The following TBX4 variants were observed in gnomAD, a reference collection of about 807,000 sequenced individuals.
The protein encoded by TBX4 is T-box transcription factor TBX4.
In TBX4, 13 loss-of-function variants were observed where a neutral mutation model predicts 54.6. That is an observed-to-expected ratio of 0.24 (90% CI 0.15 to 0.38). The LOEUF is 0.38. Among genes scored for constraint, TBX4 ranks in the 10% least tolerant of loss-of-function variants. The pLI is 1.00. For missense variants in TBX4, 631 were observed against 728.5 expected, an observed-to-expected ratio of 0.87 and a Z score of 1.54; for synonymous variants, 314 against 306.7, an observed-to-expected ratio of 1.02 and a Z score of -0.25.
chr17:61,483,364 G>A lies in TBX4; in HGVS notation c.1489G>A (p.Gly497Ser), dbSNP rs140527546. ...CAGCGCCTCATTCCCAAGAGAGCGC[G>A]GCCTCCCCCAAGGGTGTGAGAGGAA... is the stretch of plus-strand genomic sequence containing the variant. The part of the protein sequence containing the change: ...GPSASFPRER[G>S]LPQGCERKPP... Residue 497 changes from glycine (G) to serine (S), a missense_variant, in exon 9 of 9, where the codon GGC becomes AGC. This residue lies in a region of TBX4 where 354 missense variants were observed against 368.9 expected (regional missense o/e 0.96). Coordinates refer to ENST00000644296, the MANE Select transcript of TBX4 (RefSeq NM_001321120.2). The surrounding 1 kb of genome is among the most constrained non-coding windows in gnomAD (Gnocchi z 6.6). The A allele has an allele frequency of 1.3e-4, 211 of 1,608,436 alleles. No homozygotes were observed. The highest frequency in any genetic ancestry group is 1.7e-4 in the Middle Eastern group (1 of 6,054).
At position 61,460,112 on chromosome 17, in the gene TBX4, A is replaced by C. The variant is rs1349925689; in HGVS notation, c.281+2481A>C. On this transcript the variant is annotated intron_variant, in intron 3 of 8. Transcript: ENST00000644296. The surrounding 1 kb of genome is among the most constrained non-coding windows in gnomAD (Gnocchi z 4.4). ...GAGGAGAACCAAGAGAACGTAAACC[A>C]AACCCCAGAGAAGGGAAGTTAGGCA... 5 of 152,494 alleles carry C rather than the reference A, an allele frequency of 3.3e-5. No homozygotes were observed. Among genetic ancestry groups the C allele is most frequent in the African/African-American group, 1.2e-4 (5 of 41,446 alleles). 9.4% of individuals were successfully genotyped at this position (152,494 alleles called of 1,614,324 possible). A position where few individuals can be genotyped will look rare whatever the true frequency, so the allele number is the denominator to read the frequency against.
intron 1 of TBX4, among the ~76,000 whole-genome samples, chr17:61,455,154 GC>G (rs1251299302): frequency 6.6e-6 from 1 of 152,222 alleles, no homozygotes; most frequent in Admixed American, 6.5e-5. Context: ...ACCCAGACTG[GC>G]CCCGGCCCCT....
intron 5 of TBX4, among the ~76,000 whole-genome samples, chr17:61,469,017 C>G (rs1300484313): frequency 1.3e-5 from 2 of 152,226 alleles, no homozygotes; most frequent in African/African-American, 4.8e-5. Flanking sequence ...CACACACACA[C>G]AGACCCCATG....
chr17:61,468,616 T>C (rs2060553175), intron 5 of TBX4, among the ~76,000 whole-genome samples: 1 of 152,244 alleles, frequency 6.6e-6, no homozygotes, highest in African/African-American at 2.4e-5. Context: ...TAACTGGCAT[T>C]GAGCTTCTAG....
Position 61,474,565 on chromosome 17 carries a change from T to A in TBX4, c.550-4062T>A, listed in dbSNP as rs2060605441. ...TTATTGGCCAAGCACGCTATGGCGA[T>A]CTCTTGAGGAGAGGGATGTTTGGCG... is the stretch of plus-strand genomic sequence containing the variant. On this transcript the variant is annotated intron_variant, in intron 5 of 8. Coordinates refer to ENST00000644296, the MANE Select transcript of TBX4 (RefSeq NM_001321120.2). The surrounding 1 kb of genome is among the most constrained non-coding windows in gnomAD (Gnocchi z 4.6). Among the ~76,000 whole-genome samples, 1 of 152,240 alleles carries A rather than the reference T, an allele frequency of 6.6e-6. No homozygotes were observed. The highest frequency in any genetic ancestry group is 2.1e-4 in the South Asian group (1 of 4,836).
intron 5 of TBX4, among the ~76,000 whole-genome samples, chr17:61,477,679 G>T (rs974302539): frequency 2.3e-4 from 35 of 152,298 alleles, no homozygotes; most frequent in Admixed American, 6.5e-4. Context: ...GGAGGCTCAC[G>T]CCTGTAATCC....
In TBX4 at chr17:61,478,793, C is replaced by T. The variant is rs1201263237; in HGVS notation, c.702+14C>T. 1 of 1,614,062 alleles carries T rather than the reference C, an allele frequency of 6.2e-7. No individual in the cohort carries two copies. ...CAGAATCACAAGGTACAGCCACTGC[C>T]CCACTGCCCCACAGCCCCACTTAAC... On this transcript the variant is annotated intron_variant, in intron 6 of 8. Transcript: ENST00000644296. This position sits in a 1 kb window ranked among gnomAD's most constrained non-coding sequence, Gnocchi z 7.4.
In TBX4 at chr17:61,461,089, G is replaced by A. The variant is rs544058797; in HGVS notation, c.281+3458G>A. ...TGGGAAAGTGGGTTGGGGAGAGAGT[G>A]CTTTGATCTCTTTTTAAAGTATTTT... On this transcript the variant is annotated intron_variant, in intron 3 of 8. Transcript: ENST00000644296. This position sits in a 1 kb window ranked among gnomAD's most constrained non-coding sequence, Gnocchi z 5.1. 4.6e-5 allele frequency among the ~76,000 whole-genome samples: 7 copies of A among 152,274 alleles called. No individual in the cohort carries two copies. The highest frequency in any genetic ancestry group is 2.1e-4 in the South Asian group (1 of 4,822).
rs2060476967 is a variant in TBX4 at position 61,459,226 on chromosome 17, G to A, written c.281+1595G>A. Among the ~76,000 whole-genome samples, 1 of 152,136 alleles carries A rather than the reference G, an allele frequency of 6.6e-6. No homozygotes were observed. Among genetic ancestry groups the A allele is most frequent in the Non-Finnish European group, 1.5e-5 (1 of 68,028 alleles). On this transcript the variant is annotated intron_variant, in intron 3 of 8. Coordinates refer to ENST00000644296, the MANE Select transcript of TBX4 (RefSeq NM_001321120.2). This position sits in a 1 kb window ranked among gnomAD's most constrained non-coding sequence, Gnocchi z 4.8. Reference sequence around the variant, plus strand: ...GCCTCTTTCTGGCTGAGTGTACTTGGGCAAGTCACAGTCTCCTTGTAGCTC... The same window carrying A: ...GCCTCTTTCTGGCTGAGTGTACTTGAGCAAGTCACAGTCTCCTTGTAGCTC...
At chr17:61,467,743 C>T in intron 5 of TBX4, 86 bp downstream of exon 5, 1 of 1,544,988 alleles carries the variant, frequency 6.5e-7, no homozygotes, top group South Asian at 1.1e-5. Flanking sequence ...TAGGGAGAAT[C>T]CACTCCGGGA....
intron 8 of TBX4, 89 bp from the exon 9 acceptor site, chr17:61,482,808 C>T (rs1240307333): frequency 1.3e-6 from 2 of 1,579,580 alleles, no homozygotes; most frequent in African/African-American, 1.3e-5. Flanking sequence ...CGCAGAGGGA[C>T]AAGGACAGGC....
chr17:61,458,918 G>A (rs2060474503), intron 3 of TBX4, among the ~76,000 whole-genome samples: 1 of 96,682 alleles, frequency 1.0e-5, no homozygotes, highest in Admixed American at 9.8e-5. Flanking sequence ...GCAGCGTATG[G>A]GGTGCTGTGG....
intron 5 of TBX4, among the ~76,000 whole-genome samples, chr17:61,477,941 C>CAAAAAAAAAAAAAAAAAAA (rs10617980): frequency 2.3e-5 from 2 of 88,660 alleles, no homozygotes; most frequent in African/African-American, 4.0e-5. Flanking sequence ...GATTCCATCT[C>CAAAAAAAAAAAAAAAAAAA]AAAAAAAAAA....
chr17:61,472,439 T>C lies in TBX4; in HGVS notation c.549+4782T>C, dbSNP rs533981286. 5.3e-4 allele frequency among the ~76,000 whole-genome samples: 81 copies of C among 152,374 alleles called. No individual in the cohort carries two copies. Among genetic ancestry groups the C allele is most frequent in the African/African-American group, 1.6e-3 (66 of 41,600 alleles). ...TCTTCTTTTAATAAATTTCCTCTCC[T>C]GCGAACTGCTGTTCTCATCCTTTGC... On this transcript the variant is annotated intron_variant, in intron 5 of 8. Coordinates refer to ENST00000644296, the MANE Select transcript of TBX4 (RefSeq NM_001321120.2). This position sits in a 1 kb window ranked among gnomAD's most constrained non-coding sequence, Gnocchi z 4.5.
rs761077197 is a variant in TBX4 at position 61,482,907 on chromosome 17, C to T, written c.1032C>T (p.Thr344=). 2.5e-6 allele frequency: 4 copies of T among 1,613,560 alleles called. No homozygotes were observed. The South Asian group carries it at 4.4e-5, about 18-fold the overall frequency. The change falls in exon 9 of 9, where the codon ACC becomes ACT. Residue 344 remains threonine, a synonymous_variant. Coordinates refer to ENST00000644296, the MANE Select transcript of TBX4 (RefSeq NM_001321120.2). ...TACTTTGTCTTTCAGCAGACGGTAC[C>T]CGCCACCTGGACTTACCTTGCAAGC... The part of the protein sequence containing the change: ...YHCLKRRADG[T]RHLDLPCKRS...
At position 61,478,801 on chromosome 17, in the gene TBX4, C is replaced by A. The variant is rs754889965; in HGVS notation, c.702+22C>A. 3.2e-5 allele frequency: 52 copies of A among 1,613,990 alleles called. No individual in the cohort carries two copies. Among genetic ancestry groups the A allele is most frequent in the Non-Finnish European group, 4.3e-5 (51 of 1,180,038 alleles). ...CAAGGTACAGCCACTGCCCCACTGC[C>A]CCACAGCCCCACTTAACACCACCCT... On this transcript the variant is annotated intron_variant, in intron 6 of 8. Transcript: ENST00000644296. The surrounding 1 kb of genome is among the most constrained non-coding windows in gnomAD (Gnocchi z 7.4).
At chr17:61,471,066 A>G (rs560457826) in intron 5 of TBX4, among the ~76,000 whole-genome samples, 45 of 152,212 alleles carry the variant, frequency 3.0e-4, no homozygotes, top group African/African-American at 1.0e-3. Flanking sequence ...GAGGGGCTGC[A>G]TTAGCCCCTG....
At position 61,475,419 on chromosome 17, in the gene TBX4, A is replaced by G. The variant is rs896228136; in HGVS notation, c.550-3208A>G. Among the ~76,000 whole-genome samples the G allele has an allele frequency of 1.3e-5, 2 of 152,234 alleles. No homozygotes were observed. Among genetic ancestry groups the G allele is most frequent in the Non-Finnish European group, 2.9e-5 (2 of 68,050 alleles). ...TGCACATCTTCCTGAATTTCCCAGA[A>G]GGTTCTGAGCAGGGGAGTGAACTGA... On this transcript the variant is annotated intron_variant, in intron 5 of 8. Transcript: ENST00000644296. This position sits in a 1 kb window ranked among gnomAD's most constrained non-coding sequence, Gnocchi z 5.0.
chr17:61,483,718 G>A lies in TBX4; in HGVS notation c.*202G>A. 1 of 689,178 alleles carries A rather than the reference G, an allele frequency of 1.5e-6. No individual in the cohort carries two copies. The highest frequency in any genetic ancestry group is 2.4e-6 in the Non-Finnish European group (1 of 419,094). 42.7% of individuals were successfully genotyped at this position (689,178 alleles called of 1,614,324 possible). On this transcript the variant is annotated 3_prime_UTR_variant, in exon 9 of 9. Coordinates refer to ENST00000644296, the MANE Select transcript of TBX4 (RefSeq NM_001321120.2). The surrounding 1 kb of genome is among the most constrained non-coding windows in gnomAD (Gnocchi z 6.6). Reference sequence around the variant, plus strand: ...TGACATACAACTGAGGTCATGACAAGGAAAAAAAACACCACATTTATCTAA... The same window carrying A: ...TGACATACAACTGAGGTCATGACAAAGAAAAAAAACACCACATTTATCTAA...
Sources: allele counts gnomAD v4.1 joint callset (sites outside exome capture counted in the v4.1 genomes callset), GRCh38; gene constraint gnomAD v4.1.1; regional missense constraint gnomAD v4.1.1; non-coding constraint Gnocchi (gnomAD v3.1); transcripts MANE v1.5; gene names NCBI Gene and HGNC (gene_info 2026-07-23, HGNC 2026-07-21).